The following KCNAB1 variants were observed in gnomAD, a reference collection of about 807,000 sequenced individuals.
The protein encoded by KCNAB1 is potassium voltage-gated channel subfamily A regulatory beta subunit 1.
KCNAB1 carries 35 observed loss-of-function variants against 64.6 expected under a neutral mutation model. The ratio of observed to expected loss-of-function variants is 0.54; its 90% CI spans 0.41 to 0.72. KCNAB1 has a LOEUF of 0.72. Among genes scored for constraint, KCNAB1 ranks in the 30% least tolerant of loss-of-function variants. KCNAB1 has a pLI of 0.00. For synonymous variants in KCNAB1, 177 were observed against 183.8 expected (o/e 0.96, Z 0.30); for missense variants, 401 against 512.9 (o/e 0.78, Z 2.11).
chr3:156,374,263 G>A (rs1711514796), intron 1 of KCNAB1, among the ~76,000 whole-genome samples: 1 of 152,206 alleles, frequency 6.6e-6, no homozygotes, highest in South Asian at 2.1e-4. Flanking sequence ...ATTTACCTCA[G>A]AGAACTTTCC....
intron 1 of KCNAB1, among the ~76,000 whole-genome samples, chr3:156,163,089 A>C (rs933055882): frequency 3.9e-5 from 6 of 152,208 alleles, no homozygotes; most frequent in African/African-American, 1.2e-4. Context: ...ATGCTATCCT[A>C]TATGGTAGCC....
intron 1 of KCNAB1, among the ~76,000 whole-genome samples, chr3:156,122,451 C>G (rs1427656944): frequency 6.6e-6 from 1 of 152,100 alleles, no homozygotes; most frequent in Non-Finnish European, 1.5e-5. Context: ...CAACATTGAA[C>G]AAGTCAGAGT....
rs190695232 is a variant in KCNAB1, at chr3:156,479,019, G to A, written c.658+4199G>A. Among the ~76,000 whole-genome samples, 374 of 152,234 alleles carry A rather than the reference G, an allele frequency of 2.5e-3. 2 individuals carry two copies. Among genetic ancestry groups the A allele is most frequent in the Non-Finnish European group, 3.9e-3 (264 of 68,008 alleles). On this transcript the variant is annotated intron_variant, in intron 8 of 13. Transcript: ENST00000490337. ...GGGAAGATGTTCCTGACAATGGAGGGGAGCTTGTGTACTTTTTCCTCTGTC... is the reference window on the plus strand; with the variant it reads ...GGGAAGATGTTCCTGACAATGGAGGAGAGCTTGTGTACTTTTTCCTCTGTC...
At chr3:156,488,884 G>T (rs977487925) in intron 8 of KCNAB1, among the ~76,000 whole-genome samples, 2 of 152,126 alleles carry the variant, frequency 1.3e-5, no homozygotes, top group African/African-American at 4.8e-5. Context: ...AGAGGCAACG[G>T]AAGTTCCTGG....
chr3:156,431,899 C>T (rs1404384156), intron 2 of KCNAB1, among the ~76,000 whole-genome samples: 2 of 152,180 alleles, frequency 1.3e-5, no homozygotes, highest in African/African-American at 4.8e-5. Context: ...TGCCTCACAT[C>T]CCATTGGCTC....
chr3:156,228,506 T>A (rs1260741977), intron 1 of KCNAB1, among the ~76,000 whole-genome samples: 2 of 152,222 alleles, frequency 1.3e-5, no homozygotes, highest in Admixed American at 6.5e-5. Flanking sequence ...CAGCGTCTGC[T>A]GTTTCTTCCT....
At chr3:156,169,412 G>A (rs927899866) in intron 1 of KCNAB1, among the ~76,000 whole-genome samples, 2 of 152,156 alleles carry the variant, frequency 1.3e-5, no homozygotes, top group Non-Finnish European at 2.9e-5. Flanking sequence ...ACCCTCCTCA[G>A]GAAGGAACGG....
At chr3:156,155,326 T>A (rs1244066243) in intron 1 of KCNAB1, among the ~76,000 whole-genome samples, 3 of 152,196 alleles carry the variant, frequency 2.0e-5, no homozygotes, top group Non-Finnish European at 2.9e-5. Context: ...TAGGCTAAGT[T>A]CTCTGCTTTT....
intron 1 of KCNAB1, among the ~76,000 whole-genome samples, chr3:156,324,834 C>G (rs962640152): frequency 6.6e-6 from 1 of 152,142 alleles, no homozygotes; most frequent in Non-Finnish European, 1.5e-5. Flanking sequence ...AGTCCAGACC[C>G]TTTGGAATCC....
chr3:156,334,434 A>C (rs1300937120), intron 1 of KCNAB1, among the ~76,000 whole-genome samples: 1 of 150,898 alleles, frequency 6.6e-6, no homozygotes, highest in Non-Finnish European at 1.5e-5. Flanking sequence ...ATCGGATCTT[A>C]CTTGCAGAAT....
intron 1 of KCNAB1, among the ~76,000 whole-genome samples, chr3:156,140,255 G>A (rs6441035): frequency 0.55 from 84,289 of 151,980 alleles, 24,114 homozygotes; most frequent in Admixed American, 0.71. Flanking sequence ...CAAGTGATAA[G>A]GTTTTTCTGT....
chr3:156,244,821 G>T (rs1717362079), intron 1 of KCNAB1, among the ~76,000 whole-genome samples: 1 of 152,188 alleles, frequency 6.6e-6, no homozygotes, highest in African/African-American at 2.4e-5. Context: ...TAGTAGAGGG[G>T]TCTTTGTTGG....
At chr3:156,419,908 A>C (rs986545087) in intron 1 of KCNAB1, among the ~76,000 whole-genome samples, 1 of 152,246 alleles carries the variant, frequency 6.6e-6, no homozygotes, top group South Asian at 2.1e-4. Flanking sequence ...AAATCAGTAG[A>C]CTTTTGGACT....
chr3:156,439,307 A>G (rs1166428407), intron 2 of KCNAB1, among the ~76,000 whole-genome samples: 1 of 151,572 alleles, frequency 6.6e-6, no homozygotes, highest in African/African-American at 2.4e-5. Context: ...ACAAGTCTCA[A>G]AATGAACTAA....
chr3:156,421,659 G>T lies in KCNAB1; in HGVS notation c.319G>T (p.Gly107Ter), dbSNP rs1319752747. ...ACTCAGAGTTTCTTGCTTGGGTCTTGGTAAGTACTGAGGGTGTGACCTGGG... is the reference window on the plus strand; with the variant it reads ...ACTCAGAGTTTCTTGCTTGGGTCTTTGTAAGTACTGAGGGTGTGACCTGGG... ...SGLRVSCLGL[G>*]TWVTFGGQIS... is the part of the protein sequence containing the mutation. Residue 107 changes from glycine (G) to a stop codon, truncating the protein, a stop_gained and splice_region_variant, in exon 2 of 14, where the codon GGA becomes TGA. Transcript: ENST00000490337. LOFTEE classifies it high-confidence loss of function. 1 of 1,613,894 alleles carries T rather than the reference G, an allele frequency of 6.2e-7. No homozygotes were observed. The highest frequency in any genetic ancestry group is 8.5e-7 in the Non-Finnish European group (1 of 1,179,832).
rs1712388149 is a variant in KCNAB1, at chr3:156,176,602, A to T, written c.275+55716A>T. The T allele has an allele frequency of 5.7e-6, 5 of 881,478 alleles. No homozygotes were observed. The East Asian group carries it at 1.2e-4, about 21-fold the overall frequency. 54.6% of individuals were successfully genotyped at this position (881,478 alleles called of 1,614,324 possible). On this transcript the variant is annotated intron_variant, in intron 1 of 13. Coordinates refer to ENST00000490337, the MANE Select transcript of KCNAB1 (RefSeq NM_172160.3). ...CTCCACTGTGTTCCTTCAGTATGGCAGAATTATCACAGTCACCATAGACAT... is the reference window on the plus strand; with the variant it reads ...CTCCACTGTGTTCCTTCAGTATGGCTGAATTATCACAGTCACCATAGACAT...
chr3:156,483,579 A>G (rs11924934), intron 8 of KCNAB1, among the ~76,000 whole-genome samples: 64,346 of 151,840 alleles, frequency 0.42, 13,892 homozygotes, highest in South Asian at 0.53. Context: ...AATTCTGCCT[A>G]TGTCTCACAA....
chr3:156,259,782 C>T (rs548509257), intron 1 of KCNAB1, among the ~76,000 whole-genome samples: 24 of 152,278 alleles, frequency 1.6e-4, no homozygotes, highest in African/African-American at 4.3e-4. Context: ...TATCAGCTCT[C>T]GCTCTGTGAC....
chr3:156,281,532 A>G (rs1719715671), intron 1 of KCNAB1, among the ~76,000 whole-genome samples: 1 of 152,130 alleles, frequency 6.6e-6, no homozygotes, highest in Non-Finnish European at 1.5e-5. Flanking sequence ...ATAGTTTCAG[A>G]AGGAATGGTA....
Sources: gnomAD v4.1 joint callset for allele counts (sites outside exome capture counted in the v4.1 genomes callset) on GRCh38, gnomAD v4.1.1 for gene constraint, MANE v1.5 for transcripts, NCBI Gene and HGNC (gene_info 2026-07-23, HGNC 2026-07-21) for gene names.